COX10: variants seen among roughly 807,000 people sequenced by gnomAD.
The protein encoded by COX10 is protoheme IX farnesyltransferase, mitochondrial.
Under a neutral mutation model 37.3 loss-of-function variants are expected in COX10, and 27 were observed. The observed-to-expected ratio is 0.72, with a 90% CI of 0.53 to 1.00. The LOEUF is 1.00. Among genes scored for constraint, COX10 ranks in the 50% least tolerant of loss-of-function variants. The probability of loss-of-function intolerance (pLI) is 0.00; values close to 1 mark genes in which losing one functional copy is unlikely to be tolerated. For synonymous variants in COX10, 222 were observed against 229.1 expected, an observed-to-expected ratio of 0.97 and a Z score of 0.28; for missense variants, 475 against 563.2, an observed-to-expected ratio of 0.84 and a Z score of 1.59.
intron 5 of COX10, chr17:14,182,227 G>C (rs1287577365): frequency 2.5e-6 from 2 of 786,078 alleles, no homozygotes; most frequent in African/African-American, 1.9e-5. Flanking sequence ...CCAAGAGTTT[G>C]AGCATTTTTT....
intron 4 of COX10, among the ~76,000 whole-genome samples, chr17:14,119,364 A>G (rs923292553): frequency 1.3e-5 from 2 of 152,114 alleles, no homozygotes; most frequent in Non-Finnish European, 2.9e-5. Flanking sequence ...TCATGTGTTC[A>G]ACTTGTGTTC....
At chr17:14,076,045 G>GC (rs1379537834) in intron 2 of COX10, among the ~76,000 whole-genome samples, 1 of 145,736 alleles carries the variant, frequency 6.9e-6, no homozygotes, top group Non-Finnish European at 1.5e-5. Flanking sequence ...TTACCACTGA[G>GC]CCCCTCCCTA....
At chr17:14,082,768 C>T (rs1232542983) in intron 3 of COX10, among the ~76,000 whole-genome samples, 1 of 152,070 alleles carries the variant, frequency 6.6e-6, no homozygotes, top group African/African-American at 2.4e-5. Flanking sequence ...TGGTAATGTG[C>T]CGTCATGGTG....
chr17:14,089,038 G>T (rs1041239884), intron 3 of COX10, among the ~76,000 whole-genome samples: 1 of 152,148 alleles, frequency 6.6e-6, no homozygotes, highest in African/African-American at 2.4e-5. Flanking sequence ...TGCAAGGGAG[G>T]TTTTAAATTA....
At chr17:14,075,656 C>G (rs1479088140) in intron 2 of COX10, among the ~76,000 whole-genome samples, 1 of 152,150 alleles carries the variant, frequency 6.6e-6, no homozygotes, top group Non-Finnish European at 1.5e-5. Flanking sequence ...TAGAGACTGA[C>G]TCTACAGCCC....
chr17:14,116,272 A>C (rs7221484), intron 4 of COX10, among the ~76,000 whole-genome samples: 149,963 of 152,182 alleles, frequency 0.99, 73,920 homozygotes, highest in East Asian at 1. Flanking sequence ...CGGAAAATTC[A>C]AGAAATAATT....
At chr17:14,160,729 T>C (rs1905156795) in intron 5 of COX10, among the ~76,000 whole-genome samples, 2 of 152,216 alleles carry the variant, frequency 1.3e-5, no homozygotes, top group South Asian at 4.1e-4. Flanking sequence ...AAATGATCTT[T>C]AATATTAGCT....
intron 5 of COX10, among the ~76,000 whole-genome samples, chr17:14,174,469 A>G (rs1291908851): frequency 1.3e-5 from 2 of 151,934 alleles, no homozygotes; most frequent in African/African-American, 4.8e-5. Flanking sequence ...AAAAAAAAAA[A>G]AAAAAAGTGC....
At chr17:14,121,919 A>G (rs1210824901) in intron 4 of COX10, among the ~76,000 whole-genome samples, 1 of 152,098 alleles carries the variant, frequency 6.6e-6, no homozygotes, top group African/African-American at 2.4e-5. Context: ...GAAGCTGGGA[A>G]GCATACACAT....
intron 3 of COX10, among the ~76,000 whole-genome samples, chr17:14,092,524 C>T (rs913287055): frequency 2.0e-5 from 3 of 151,964 alleles, no homozygotes; most frequent in Non-Finnish European, 4.4e-5. Flanking sequence ...CAGTTAGGCC[C>T]CTGATTGATA....
At chr17:14,118,351 A>G (rs1916158377) in intron 4 of COX10, among the ~76,000 whole-genome samples, 1 of 152,082 alleles carries the variant, frequency 6.6e-6, no homozygotes, top group African/African-American at 2.4e-5. Flanking sequence ...TGAGAGGGCA[A>G]GTCTTCCCAC....
intron 4 of COX10, among the ~76,000 whole-genome samples, chr17:14,159,294 G>A (rs923905908): frequency 2.6e-5 from 4 of 152,124 alleles, no homozygotes; most frequent in Admixed American, 2.0e-4. Context: ...CATTCCCCAG[G>A]GTCAGTTGAT....
At chr17:14,120,932 T>C (rs1317998575) in intron 4 of COX10, among the ~76,000 whole-genome samples, 3 of 152,180 alleles carry the variant, frequency 2.0e-5, no homozygotes, top group Non-Finnish European at 4.4e-5. Context: ...ACACTTAGTG[T>C]TCCCATACAG....
At chr17:14,181,954 G>A in intron 5 of COX10, 1 of 983,152 alleles carries the variant, frequency 1.0e-6, no homozygotes, top group Non-Finnish European at 1.2e-6. Flanking sequence ...GAATAAGAAG[G>A]CTGAATCTCA....
intron 4 of COX10, among the ~76,000 whole-genome samples, chr17:14,131,191 A>G (rs1212099057): frequency 2.0e-5 from 3 of 152,160 alleles, no homozygotes; most frequent in East Asian, 3.8e-4. Flanking sequence ...GGCTTTCCTA[A>G]GCAGTTACTG....
intron 6 of COX10, among the ~76,000 whole-genome samples, chr17:14,204,976 G>A (rs985809580): frequency 1.6e-4 from 24 of 151,920 alleles, no homozygotes; most frequent in African/African-American, 2.2e-4. Context: ...GTTTGGTGAC[G>A]TGCACCTATA....
intron 4 of COX10, among the ~76,000 whole-genome samples, chr17:14,124,014 A>G (rs1265480635): frequency 6.6e-6 from 1 of 152,160 alleles, no homozygotes; most frequent in Non-Finnish European, 1.5e-5. Flanking sequence ...AAGCAGATAA[A>G]ATGTTTACAA....
At chr17:14,197,331 C>CAGG (rs35232583) in intron 6 of COX10, among the ~76,000 whole-genome samples, 3 of 152,126 alleles carry the variant, frequency 2.0e-5, no homozygotes, top group Non-Finnish European at 4.4e-5. Flanking sequence ...TTAAGAATTC[C>CAGG]AGGGGGCCTT....
At chr17:14,135,336 T>C (rs956303733) in intron 4 of COX10, among the ~76,000 whole-genome samples, 3 of 151,942 alleles carry the variant, frequency 2.0e-5, no homozygotes, top group African/African-American at 7.2e-5. Flanking sequence ...ATAGCTATTT[T>C]GTTATGAATG....
Sources: gnomAD v4.1 joint callset for allele counts (sites outside exome capture counted in the v4.1 genomes callset) on GRCh38, gnomAD v4.1.1 for gene constraint, MANE v1.5 for transcripts, NCBI Gene and HGNC (gene_info 2026-07-23, HGNC 2026-07-21) for gene names.